THOP1: variants seen among roughly 807,000 people sequenced by gnomAD.
THOP1 encodes the protein thimet oligopeptidase 1.
THOP1 carries 49 observed loss-of-function variants against 71.8 expected under a neutral mutation model. The ratio of observed to expected loss-of-function variants is 0.68; its 90% CI spans 0.54 to 0.87. The LOEUF (loss-of-function observed/expected upper bound fraction) is 0.87, where lower values mean the gene tolerates loss of function less well. Among genes scored for constraint, THOP1 ranks in the 40% least tolerant of loss-of-function variants. The probability of loss-of-function intolerance (pLI) is 0.00; values close to 1 mark genes in which losing one functional copy is unlikely to be tolerated. For synonymous variants in THOP1, 426 were observed against 421.5 expected (o/e 1.01, Z -0.13); for missense variants, 843 against 975.6 (o/e 0.86, Z 1.81).
At chr19:2,788,056 C>A (rs1166831731) in intron 1 of THOP1, among the ~76,000 whole-genome samples, 13 of 152,178 alleles carry the variant, frequency 8.5e-5, no homozygotes, top group Admixed American at 8.5e-4. Flanking sequence ...GTCCCCGGCC[C>A]CAAGACTTTT....
chr19:2,790,635 T>G lies in THOP1; in HGVS notation c.229+2T>G, dbSNP rs1205289287. The G allele has an allele frequency of 6.5e-7, 1 of 1,547,712 alleles. No homozygotes were observed. The highest frequency in any genetic ancestry group is 2.0e-5 in the Admixed American group (1 of 50,506). On this transcript the variant is annotated splice_donor_variant, in intron 2 of 12. Coordinates refer to ENST00000307741, the MANE Select transcript of THOP1 (RefSeq NM_003249.5). LOFTEE classifies it high-confidence loss of function. ...CCGATGTGGAGGTCACCTACACAGG[T>G]AAGTCCCAGGCAGGGTCTGTGCGTG...
In THOP1 at chr19:2,800,271, C is replaced by T. The variant is rs542178091; in HGVS notation, c.589+480C>T. Reference sequence around the variant, plus strand: ...TGCGACCTCCACTCACTGCAACCTCCGTCCCCCGGGTTCAAGTGATTCTCC... The same window carrying T: ...TGCGACCTCCACTCACTGCAACCTCTGTCCCCCGGGTTCAAGTGATTCTCC... On this transcript the variant is annotated intron_variant, in intron 5 of 12. Transcript: ENST00000307741. Among the ~76,000 whole-genome samples the T allele has an allele frequency of 5.9e-5, 9 of 152,326 alleles. 1 individual carries two copies. Among genetic ancestry groups the T allele is most frequent in the African/African-American group, 1.9e-4 (8 of 41,566 alleles).
In THOP1 at chr19:2,805,153, G is replaced by A; in HGVS notation, c.727G>A (p.Ala243Thr). The A allele has an allele frequency of 6.2e-7, 1 of 1,612,202 alleles. No individual in the cohort carries two copies. Among genetic ancestry groups the A allele is most frequent in the Non-Finnish European group, 8.5e-7 (1 of 1,179,648 alleles). ...VPETRRKVEEAFNCRCKEENC... is the reference protein window; with the variant it reads ...VPETRRKVEETFNCRCKEENC... ...TGAGACCAGGAGGAAAGTGGAGGAGGCCTTCAACTGCCGGTGCAAGGAGGT... is the reference window on the plus strand; with the variant it reads ...TGAGACCAGGAGGAAAGTGGAGGAGACCTTCAACTGCCGGTGCAAGGAGGT... Residue 243 changes from alanine to threonine, a missense_variant, in exon 6 of 13, where the codon GCC (alanine) becomes ACC (threonine). By Grantham distance (58) the Ala-to-Thr change is moderately conservative. Transcript: ENST00000307741. The surrounding 1 kb of genome is among the most constrained non-coding windows in gnomAD (Gnocchi z 6.6).
intron 2 of THOP1, among the ~76,000 whole-genome samples, chr19:2,791,241 C>T (rs1041594596): frequency 2.0e-5 from 3 of 152,308 alleles, no homozygotes; most frequent in East Asian, 3.9e-4. Flanking sequence ...CACTGCTTCC[C>T]GAGCTCTGCC....
intron 4 of THOP1, among the ~76,000 whole-genome samples, chr19:2,797,029 G>T (rs1301750931): frequency 6.6e-6 from 1 of 152,224 alleles, no homozygotes; most frequent in African/African-American, 2.4e-5. Context: ...AAAGATGCGT[G>T]TCACAGTTCC....
chr19:2,787,004 C>T (rs1915760960), intron 1 of THOP1: 1 of 152,134 alleles, frequency 6.6e-6, no homozygotes, highest in African/African-American at 2.4e-5. Flanking sequence ...ATCCACCCGC[C>T]TCGGCCTCCC....
intron 1 of THOP1, among the ~76,000 whole-genome samples, chr19:2,786,133 C>G (rs1255980739): frequency 6.6e-6 from 1 of 152,100 alleles, no homozygotes; most frequent in Non-Finnish European, 1.5e-5. Context: ...AAGAGGTGAG[C>G]GTCGACTTGC....
Position 2,805,106 on chromosome 19 carries a change from T to G in THOP1, c.680T>G (p.Leu227Arg). Residue 227 changes from leucine (L) to arginine (R), a missense_variant, in exon 6 of 13, where the codon CTC (leucine) becomes CGC (arginine). Transcript: ENST00000307741. This position sits in a 1 kb window ranked among gnomAD's most constrained non-coding sequence, Gnocchi z 6.6. ...VTLKYPHYFPLLKKCHVPETR... is the reference protein window; with the variant it reads ...VTLKYPHYFPRLKKCHVPETR... ...CTCAAGTACCCCCATTACTTCCCCC[T>G]CCTGAAGAAATGCCACGTGCCTGAG... 6.2e-7 allele frequency: 1 copy of G among 1,612,842 alleles called. No individual in the cohort carries two copies. Among genetic ancestry groups the G allele is most frequent in the Non-Finnish European group, 8.5e-7 (1 of 1,179,834 alleles).
At chr19:2,806,586 A>T in intron 6 of THOP1, 1 of 359,432 alleles carries the variant, frequency 2.8e-6, no homozygotes, top group South Asian at 3.7e-5. Context: ...AGAGCCCGTG[A>T]GACTGGGAAC....
At position 2,813,099 on chromosome 19, in the gene THOP1, CCT is replaced by C; in HGVS notation, c.1909-15_1909-14del. ...CTGGGTCCCCACCCGGCCACAGTGCCCTGTCTCCTCGGCAGGTTGGCATGGAT... is the reference window on the plus strand; with the variant it reads ...CTGGGTCCCCACCCGGCCACAGTGCCGTCTCCTCGGCAGGTTGGCATGGAT... On this transcript the variant is annotated splice_polypyrimidine_tract_variant and intron_variant, in intron 12 of 12. Coordinates refer to ENST00000307741, the MANE Select transcript of THOP1 (RefSeq NM_003249.5). 6.2e-7 allele frequency: 1 copy of C among 1,601,020 alleles called. No homozygotes were observed. The highest frequency in any genetic ancestry group is 8.5e-7 in the Non-Finnish European group (1 of 1,172,836).
At chr19:2,792,525 C>T (rs748087704) in intron 2 of THOP1, among the ~76,000 whole-genome samples, 7 of 146,422 alleles carry the variant, frequency 4.8e-5, no homozygotes, top group African/African-American at 7.5e-5. Flanking sequence ...CCAAACATAC[C>T]GAGGCCTGGG....
At position 2,813,394 on chromosome 19, in the gene THOP1, C is replaced by T. The variant is rs940956818; in HGVS notation, c.*118C>T. On this transcript the variant is annotated 3_prime_UTR_variant, in exon 13 of 13. Coordinates refer to ENST00000307741, the MANE Select transcript of THOP1 (RefSeq NM_003249.5). The stretch of plus-strand genomic sequence containing the variant: ...GCCTGGGACTGGCAGGGTGGCTGAG[C>T]GGCTGTCTTGCCTCTTGTCATTGTC... The T allele has an allele frequency of 3.9e-6, 5 of 1,283,750 alleles. No individual in the cohort carries two copies. The highest frequency in any genetic ancestry group is 2.8e-5 in the Admixed American group (1 of 36,194). 79.5% of individuals were successfully genotyped at this position (1,283,750 alleles called of 1,614,324 possible). A position where few individuals can be genotyped will look rare whatever the true frequency, so the allele number is the denominator to read the frequency against.
At chr19:2,788,692 T>C (rs1454150899) in intron 1 of THOP1, among the ~76,000 whole-genome samples, 1 of 152,224 alleles carries the variant, frequency 6.6e-6, no homozygotes, top group African/African-American at 2.4e-5. Flanking sequence ...CTGGCCACAC[T>C]GGTCTTGAAC....
At chr19:2,792,918 G>A (rs1487330427) in intron 2 of THOP1, among the ~76,000 whole-genome samples, 1 of 152,106 alleles carries the variant, frequency 6.6e-6, no homozygotes, top group African/African-American at 2.4e-5. Context: ...GCTCACACCT[G>A]TCATCCCAGC....
intron 12 of THOP1, chr19:2,812,330 C>G: frequency 1.3e-6 from 2 of 1,534,570 alleles, no homozygotes; most frequent in Non-Finnish European, 1.7e-6. Context: ...TGAGGGCCGG[C>G]CCTGCCCTGC....
Position 2,790,624 on chromosome 19 carries a change from A to G in THOP1, c.220A>G (p.Thr74Ala), listed in dbSNP as rs1915853916. The part of the protein sequence containing the change: ...TLKALADVEV[T>A]YTVQRNILDF... ...CAAGGCGCTGGCCGATGTGGAGGTC[A>G]CCTACACAGGTAAGTCCCAGGCAGG... The change falls in exon 2 of 13, where the codon ACC becomes GCC. Residue 74 changes from threonine to alanine, a missense_variant. By Grantham distance (58) the Thr-to-Ala change is moderately conservative. Transcript: ENST00000307741. 4.5e-6 allele frequency: 7 copies of G among 1,561,266 alleles called. No homozygotes were observed. The highest frequency in any genetic ancestry group is 2.3e-5 in the East Asian group (1 of 44,152).
At chr19:2,796,836 G>T (rs756300527) in intron 4 of THOP1, among the ~76,000 whole-genome samples, 2 of 152,194 alleles carry the variant, frequency 1.3e-5, no homozygotes, top group African/African-American at 4.8e-5. Flanking sequence ...GACATGGGGC[G>T]CAGAGGCTCG....
At chr19:2,787,034 C>G (rs939843061) in intron 1 of THOP1, 1 of 152,150 alleles carries the variant, frequency 6.6e-6, no homozygotes, top group Admixed American at 6.6e-5. Context: ...GGATTACAGG[C>G]GTGAGTCACC....
At chr19:2,800,198 T>A (rs190565161) in intron 5 of THOP1, among the ~76,000 whole-genome samples, 388 of 152,336 alleles carry the variant, frequency 2.5e-3, no homozygotes, top group Non-Finnish European at 4.1e-3. Context: ...TTAATTAATT[T>A]ATTTTGAGAT....
Sources: allele counts gnomAD v4.1 joint callset (sites outside exome capture counted in the v4.1 genomes callset), GRCh38; gene constraint gnomAD v4.1.1; non-coding constraint Gnocchi (gnomAD v3.1); transcripts MANE v1.5; gene names NCBI Gene and HGNC (gene_info 2026-07-23, HGNC 2026-07-21).